EPHA6: variants seen among roughly 807,000 people sequenced by gnomAD.
EPHA6 encodes ephrin type-A receptor 6.
A neutral mutation model predicts 112.0 loss-of-function variants in EPHA6; 50 were observed. That is an observed-to-expected ratio of 0.45 (90% confidence interval 0.36 to 0.56). The LOEUF is 0.56. Ranked by LOEUF, EPHA6 falls within the 20% of genes least tolerant of loss-of-function variation. The probability of loss-of-function intolerance (pLI) is 0.00; values close to 1 mark genes in which losing one functional copy is unlikely to be tolerated. For missense variants in EPHA6, 1,280 were observed against 1,417.4 expected (o/e 0.90, Z 1.56); for synonymous variants, 529 against 490.7 (o/e 1.08, Z -1.03).
intron 10 of EPHA6, among the ~76,000 whole-genome samples, chr3:97,524,538 T>C (rs1462383024): frequency 6.6e-6 from 1 of 152,122 alleles, no homozygotes; most frequent in Admixed American, 6.6e-5. Context: ...TAGTATATTC[T>C]CAATTTGAGT....
intron 5 of EPHA6, among the ~76,000 whole-genome samples, chr3:97,329,998 G>T (rs2082701158): frequency 6.6e-6 from 1 of 152,122 alleles, no homozygotes; most frequent in Non-Finnish European, 1.5e-5. Context: ...TTTTGTATAA[G>T]GCGTAAGGAA....
At chr3:97,293,567 C>T (rs1344800568) in intron 5 of EPHA6, among the ~76,000 whole-genome samples, 1 of 152,194 alleles carries the variant, frequency 6.6e-6, no homozygotes, top group East Asian at 1.9e-4. Context: ...GTAGTCGTGA[C>T]ATCTGTGTGA....
chr3:97,174,695 T>C lies in EPHA6; in HGVS notation c.1115-51569T>C, dbSNP rs115623346. ...ATACCTGTTTGCCATGTGTATGTCCTCTAAGAAATGTCTATTCAAATATTT... is the reference window on the plus strand; with the variant it reads ...ATACCTGTTTGCCATGTGTATGTCCCCTAAGAAATGTCTATTCAAATATTT... On this transcript the variant is annotated intron_variant, in intron 3 of 17. Coordinates refer to ENST00000389672, the MANE Select transcript of EPHA6 (RefSeq NM_001080448.3). Among the ~76,000 whole-genome samples, 934 of 152,082 alleles carry C rather than the reference T, an allele frequency of 6.1e-3. 8 individuals carry two copies. Among genetic ancestry groups the C allele is most frequent in the African/African-American group, 0.021 (892 of 41,576 alleles).
chr3:96,880,475 C>A (rs1439254337), intron 2 of EPHA6, among the ~76,000 whole-genome samples: 1 of 151,952 alleles, frequency 6.6e-6, no homozygotes, highest in Non-Finnish European at 1.5e-5. Flanking sequence ...TTTCTCAGTA[C>A]CCTGTAAATG....
intron 3 of EPHA6, among the ~76,000 whole-genome samples, chr3:97,081,956 T>A (rs979058827): frequency 3.4e-4 from 52 of 151,682 alleles, no homozygotes; most frequent in Admixed American, 9.9e-4. Context: ...AAATATTATG[T>A]GTTAATCTTT....
chr3:97,007,637 C>G (rs890423513), intron 3 of EPHA6, among the ~76,000 whole-genome samples: 2 of 152,086 alleles, frequency 1.3e-5, no homozygotes, highest in Non-Finnish European at 2.9e-5. Context: ...GAATTTGATC[C>G]TGTCATCATG....
At chr3:96,923,926 A>T (rs2039903866) in intron 2 of EPHA6, among the ~76,000 whole-genome samples, 1 of 152,106 alleles carries the variant, frequency 6.6e-6, no homozygotes, top group South Asian at 2.1e-4. Context: ...TTTGTTGAAG[A>T]TTCGATGGCT....
At chr3:97,007,419 T>C (rs1338365249) in intron 3 of EPHA6, among the ~76,000 whole-genome samples, 1 of 122,094 alleles carries the variant, frequency 8.2e-6, no homozygotes, top group Non-Finnish European at 1.7e-5. Context: ...GAGATTAGGA[T>C]TGCGGTCCCT....
At chr3:97,403,529 C>T (rs540078619) in intron 5 of EPHA6, among the ~76,000 whole-genome samples, 141 of 152,336 alleles carry the variant, frequency 9.3e-4, no homozygotes, top group African/African-American at 3.2e-3. Context: ...TCACTGCAAA[C>T]TCCGCCTCCC....
At chr3:96,857,647 CTT>C (rs1431778995) in intron 1 of EPHA6, among the ~76,000 whole-genome samples, 1 of 151,310 alleles carries the variant, frequency 6.6e-6, no homozygotes, top group Non-Finnish European at 1.5e-5. Context: ...AACTGGTTGT[CTT>C]AATATTTTTT....
chr3:97,583,535 T>C (rs1306964937), intron 11 of EPHA6, among the ~76,000 whole-genome samples: 1 of 147,396 alleles, frequency 6.8e-6, no homozygotes, highest in Non-Finnish European at 1.5e-5. Context: ...CAAGACTCTG[T>C]CTCAAAAAAA....
chr3:96,966,142 GT>G, intron 2 of EPHA6, among the ~76,000 whole-genome samples: 1 of 152,120 alleles, frequency 6.6e-6, no homozygotes, highest in Non-Finnish European at 1.5e-5. Context: ...TTTAAAATAA[GT>G]TTACTGAGTT....
intron 2 of EPHA6, among the ~76,000 whole-genome samples, chr3:96,945,325 T>C (rs984449387): frequency 6.6e-5 from 10 of 152,098 alleles, no homozygotes; most frequent in African/African-American, 2.4e-4. Flanking sequence ...AACTCCAGAG[T>C]TGATGGATTC....
At position 96,922,780 on chromosome 3, in the gene EPHA6, A is replaced by G. The variant is rs536273833; in HGVS notation, c.450+55891A>G. Reference sequence around the variant, plus strand: ...GTATTAAGCCCAGCATCCATTAGCTATTCTTCCTGATGCTCTCTATCCCAC... The same window carrying G: ...GTATTAAGCCCAGCATCCATTAGCTGTTCTTCCTGATGCTCTCTATCCCAC... On this transcript the variant is annotated intron_variant, in intron 2 of 17. Transcript: ENST00000389672. Among the ~76,000 whole-genome samples, 14 of 152,126 alleles carry G rather than the reference A, an allele frequency of 9.2e-5. 3 individuals carry two copies. In the East Asian group the frequency reaches 9.7e-4, roughly 11 times the overall value.
At position 97,237,500 on chromosome 3, in the gene EPHA6, C is replaced by A. The variant is rs377295449; in HGVS notation, c.1271-6452C>A. 4.6e-5 allele frequency among the ~76,000 whole-genome samples: 7 copies of A among 152,032 alleles called. No individual in the cohort carries two copies. The South Asian group carries it at 1.4e-3, about 31-fold the overall frequency. On this transcript the variant is annotated intron_variant, in intron 4 of 17. Coordinates refer to ENST00000389672, the MANE Select transcript of EPHA6 (RefSeq NM_001080448.3). ...CTGCTGATGTTGGAGAATCGAGTTA[C>A]CACTTGTTGCCAGTATGTCTTTATT...
chr3:96,839,303 G>A (rs1356165746), intron 1 of EPHA6, among the ~76,000 whole-genome samples: 1 of 152,002 alleles, frequency 6.6e-6, no homozygotes, highest in African/African-American at 2.4e-5. Context: ...ATTCTCATAG[G>A]AGCGTGAACC....
At chr3:96,971,590 C>CTT (rs1553677812) in intron 2 of EPHA6, among the ~76,000 whole-genome samples, 1 of 151,728 alleles carries the variant, frequency 6.6e-6, no homozygotes, top group African/African-American at 2.4e-5. Flanking sequence ...TACAAAGTGA[C>CTT]TAAGTAGTTC....
chr3:96,953,025 A>T (rs955094979), intron 2 of EPHA6, among the ~76,000 whole-genome samples: 3 of 152,218 alleles, frequency 2.0e-5, no homozygotes, highest in Admixed American at 6.5e-5. Flanking sequence ...AAAAGTTTTT[A>T]AAAAATTAAA....
At position 97,352,374 on chromosome 3, in the gene EPHA6, A is replaced by G. The variant is rs80184496; in HGVS notation, c.1607-52776A>G. On this transcript the variant is annotated intron_variant, in intron 5 of 17. Transcript: ENST00000389672. Reference sequence around the variant, plus strand: ...TTACAGTCCCTGGTTTTAACATCACATCAAGGAAAGAGGCAGTGAAGAGGG... The same window carrying G: ...TTACAGTCCCTGGTTTTAACATCACGTCAAGGAAAGAGGCAGTGAAGAGGG... Among the ~76,000 whole-genome samples, 13 of 152,298 alleles carry G rather than the reference A, an allele frequency of 8.5e-5. No homozygotes were observed. The East Asian group carries it at 2.3e-3, about 27-fold the overall frequency.
Sources: allele counts gnomAD v4.1 joint callset (sites outside exome capture counted in the v4.1 genomes callset), GRCh38; gene constraint gnomAD v4.1.1; transcripts MANE v1.5; gene names NCBI Gene and HGNC (gene_info 2026-07-23, HGNC 2026-07-21).